Variants in CCSER1 observed in about 807,000 individuals in gnomAD.
The protein encoded by CCSER1 is serine-rich coiled-coil domain-containing protein 1.
A neutral mutation model predicts 82.0 loss-of-function variants in CCSER1; 41 were observed. The ratio of observed to expected loss-of-function variants is 0.50; its 90% CI spans 0.39 to 0.65. The LOEUF is 0.65. Among genes scored for constraint, CCSER1 ranks in the 30% least tolerant of loss-of-function variants. The pLI, the probability that CCSER1 is intolerant of heterozygous loss-of-function variation, is 0.00. For synonymous variants in CCSER1, 414 were observed against 383.9 expected (o/e 1.08, Z -0.92); for missense variants, 1,119 against 1,064.2 (o/e 1.05, Z -0.72).
At chr4:90,409,225 A>C (rs1754269500) in intron 4 of CCSER1, among the ~76,000 whole-genome samples, 1 of 152,244 alleles carries the variant, frequency 6.6e-6, no homozygotes, top group Admixed American at 6.5e-5. Context: ...TATCCAGGAC[A>C]ACTTCCCCAA....
At chr4:90,362,950 T>C (rs995029064) in intron 3 of CCSER1, among the ~76,000 whole-genome samples, 2 of 152,154 alleles carry the variant, frequency 1.3e-5, no homozygotes, top group Non-Finnish European at 2.9e-5. Flanking sequence ...AATTGCAAAT[T>C]GAGTAAATTT....
chr4:90,425,327 G>GAGC (rs1757377344), intron 4 of CCSER1, among the ~76,000 whole-genome samples: 1 of 151,708 alleles, frequency 6.6e-6, no homozygotes, highest in African/African-American at 2.4e-5. Flanking sequence ...AGAGAGAGAG[G>GAGC]AAGAGAGAGA....
intron 10 of CCSER1, among the ~76,000 whole-genome samples, chr4:91,489,729 A>G: frequency 6.6e-6 from 1 of 152,108 alleles, no homozygotes. Flanking sequence ...CAGAGGTTGC[A>G]GTGAGCCGAG....
At chr4:91,160,668 A>G (rs1731294667) in intron 10 of CCSER1, among the ~76,000 whole-genome samples, 1 of 152,118 alleles carries the variant, frequency 6.6e-6, no homozygotes, top group Admixed American at 6.5e-5. Context: ...ATGTTTTCAT[A>G]TGTCGATTGG....
chr4:91,434,068 A>G (rs1264500792), intron 10 of CCSER1, among the ~76,000 whole-genome samples: 1 of 152,224 alleles, frequency 6.6e-6, no homozygotes, highest in Non-Finnish European at 1.5e-5. Flanking sequence ...AGACTTATCA[A>G]CTGAGCACAC....
At position 91,590,952 on chromosome 4, in the gene CCSER1, G is replaced by A. The variant is rs568586439; in HGVS notation, c.2218-7620G>A. Among the ~76,000 whole-genome samples, 15 of 152,154 alleles carry A rather than the reference G, an allele frequency of 9.9e-5. 1 individual carries two copies. The South Asian group carries it at 3.1e-3, about 32-fold the overall frequency. On this transcript the variant is annotated intron_variant, in intron 10 of 10. Transcript: ENST00000509176. Reference sequence around the variant, plus strand: ...TTTCTTTCTTGATATGTATATCACTGATCATTTTTATCTGTTTAATTTAAG... The same window carrying A: ...TTTCTTTCTTGATATGTATATCACTAATCATTTTTATCTGTTTAATTTAAG...
chr4:91,150,116 G>T (rs1174164201), intron 10 of CCSER1, among the ~76,000 whole-genome samples: 1 of 152,162 alleles, frequency 6.6e-6, no homozygotes, highest in Non-Finnish European at 1.5e-5. Flanking sequence ...CATGAGCATG[G>T]AATGTTCCTC....
At chr4:90,397,346 G>C (rs759735445) in intron 3 of CCSER1, among the ~76,000 whole-genome samples, 1 of 152,092 alleles carries the variant, frequency 6.6e-6, no homozygotes, top group Non-Finnish European at 1.5e-5. Flanking sequence ...TGTTAGAATA[G>C]CAGTGGCAGA....
chr4:90,560,371 G>T (rs1778625454), intron 5 of CCSER1, among the ~76,000 whole-genome samples: 1 of 151,860 alleles, frequency 6.6e-6, no homozygotes, highest in African/African-American at 2.4e-5. Flanking sequence ...AAAGTGCCAG[G>T]CAGACACAGG....
intron 5 of CCSER1, among the ~76,000 whole-genome samples, chr4:90,573,614 G>A (rs1220306688): frequency 1.3e-5 from 2 of 152,088 alleles, no homozygotes; most frequent in African/African-American, 4.8e-5. Flanking sequence ...GGTTTCTGTT[G>A]CTCTTGTGAA....
intron 4 of CCSER1, among the ~76,000 whole-genome samples, chr4:90,459,539 G>T (rs1479349149): frequency 6.6e-6 from 1 of 152,012 alleles, no homozygotes; most frequent in Non-Finnish European, 1.5e-5. Flanking sequence ...CCGTAGAGTT[G>T]ATTTCTCCTG....
intron 5 of CCSER1, among the ~76,000 whole-genome samples, chr4:90,494,938 T>G (rs1768743481): frequency 6.6e-6 from 1 of 151,834 alleles, no homozygotes; most frequent in African/African-American, 2.4e-5. Context: ...CTTGTTTTGG[T>G]TACTGACCCT....
At chr4:91,477,591 GT>G (rs1275661390) in intron 10 of CCSER1, among the ~76,000 whole-genome samples, 1 of 151,520 alleles carries the variant, frequency 6.6e-6, no homozygotes, top group Non-Finnish European at 1.5e-5. Context: ...TTCAAAAGTA[GT>G]TTTCAAGTAC....
intron 3 of CCSER1, among the ~76,000 whole-genome samples, chr4:90,326,055 CTT>C (rs371592827): frequency 2.4e-4 from 27 of 111,582 alleles, no homozygotes; most frequent in East Asian, 4.9e-4. Flanking sequence ...TATGTGATAC[CTT>C]TTTTTTTTTT....
intron 7 of CCSER1, among the ~76,000 whole-genome samples, chr4:90,791,958 T>A (rs1265806832): frequency 6.6e-6 from 1 of 152,210 alleles, no homozygotes; most frequent in Non-Finnish European, 1.5e-5. Context: ...AACAGTTTAT[T>A]GTGATATTTA....
intron 5 of CCSER1, among the ~76,000 whole-genome samples, chr4:90,469,226 A>G (rs557650123): frequency 7.2e-5 from 11 of 152,070 alleles, no homozygotes; most frequent in Non-Finnish European, 8.8e-5. Context: ...TTTTTACTAG[A>G]TAATAAGCTC....
intron 10 of CCSER1, among the ~76,000 whole-genome samples, chr4:91,189,703 C>G (rs1734845140): frequency 6.6e-6 from 1 of 151,636 alleles, no homozygotes; most frequent in African/African-American, 2.4e-5. Flanking sequence ...TGTTTCTTCC[C>G]AAAGGATTAT....
At chr4:90,463,632 G>GAAC (rs1324635421) in intron 4 of CCSER1, among the ~76,000 whole-genome samples, 6 of 152,140 alleles carry the variant, frequency 3.9e-5, no homozygotes, top group Non-Finnish European at 7.4e-5. Context: ...ATGGAAAAGT[G>GAAC]AACACTCTAC....
At chr4:90,795,421 A>T (rs967604629) in intron 7 of CCSER1, among the ~76,000 whole-genome samples, 1 of 152,188 alleles carries the variant, frequency 6.6e-6, no homozygotes, top group Non-Finnish European at 1.5e-5. Context: ...TTCTAGATAT[A>T]GGATCATGCT....
Sources: gnomAD v4.1 joint callset for allele counts (sites outside exome capture counted in the v4.1 genomes callset) on GRCh38, gnomAD v4.1.1 for gene constraint, MANE v1.5 for transcripts, NCBI Gene and HGNC (gene_info 2026-07-23, HGNC 2026-07-21) for gene names.